The following PVT1 variants were observed in gnomAD, a reference collection of about 807,000 sequenced individuals.
PVT1 encodes the protein CXCR4/PVT1 fusion.
At chr8:128,042,806 C>G (rs1813562216) in intron 4 of PVT1, among the ~76,000 whole-genome samples, 1 of 135,066 alleles carries the variant, frequency 7.4e-6, no homozygotes, top group East Asian at 2.5e-4. Context: ...CTCTGTCACC[C>G]AGGCTGGAGT....
At chr8:127,849,043 G>A (rs911688563) in intron 2 of PVT1, among the ~76,000 whole-genome samples, 3 of 152,204 alleles carry the variant, frequency 2.0e-5, no homozygotes, top group African/African-American at 7.2e-5. Context: ...ATGCCAGCTA[G>A]TCTCTTTCTC....
At chr8:127,910,908 T>TGA (rs1312889485) in intron 3 of PVT1, among the ~76,000 whole-genome samples, 5 of 143,444 alleles carry the variant, frequency 3.5e-5, no homozygotes, top group African/African-American at 1.3e-4. Flanking sequence ...TGTGTGTGTG[T>TGA]GTGTGAGAGA....
At chr8:127,888,141 C>G (rs980739656) in intron 2 of PVT1, among the ~76,000 whole-genome samples, 10 of 151,746 alleles carry the variant, frequency 6.6e-5, no homozygotes, top group African/African-American at 1.9e-4. Flanking sequence ...GGGGTTTCAC[C>G]GTGTTAGCCA....
At chr8:128,071,528 T>TAAAA (rs879437083) in intron 5 of PVT1, among the ~76,000 whole-genome samples, 4 of 148,506 alleles carry the variant, frequency 2.7e-5, no homozygotes, top group Admixed American at 1.3e-4. Context: ...TAAAAATTTT[T>TAAAA]AAAAAAAAAA....
chr8:128,027,760 G>A lies in PVT1; in HGVS notation n.912+38469G>A, dbSNP rs78831181. Among the ~76,000 whole-genome samples the A allele has an allele frequency of 2.8e-4, 42 of 152,344 alleles. 3 individuals are homozygous for A. In the East Asian group the frequency reaches 7.9e-3, roughly 29 times the overall value. On this transcript the variant is annotated intron_variant and non_coding_transcript_variant, in intron 4 of 10. Coordinates refer to ENST00000651587, the Ensembl canonical transcript of PVT1. ...ACTACTGAGTGCTGGCTCATGGTGA[G>A]TGTTCAGCCACTGTTGGATGAATGG...
intron 2 of PVT1, among the ~76,000 whole-genome samples, chr8:127,834,189 G>A (rs7832014): frequency 0.68 from 103,892 of 151,896 alleles, 36,723 homozygotes; most frequent in African/African-American, 0.86. Flanking sequence ...GGCTACAGTA[G>A]CCAAAACAGC....
chr8:128,037,557 G>A (rs1813480333), intron 4 of PVT1, among the ~76,000 whole-genome samples: 2 of 152,194 alleles, frequency 1.3e-5, no homozygotes, highest in Admixed American at 6.5e-5. Flanking sequence ...CAGTCCATTT[G>A]GAGGGAGGAT....
intron 4 of PVT1, among the ~76,000 whole-genome samples, chr8:128,002,240 A>G (rs1586476033): frequency 6.6e-6 from 1 of 152,186 alleles, no homozygotes; most frequent in African/African-American, 2.4e-5. Context: ...GTGATTCCCC[A>G]TGGCCAGGGG....
At chr8:127,877,944 CT>C (rs960680405) in intron 2 of PVT1, among the ~76,000 whole-genome samples, 3 of 151,998 alleles carry the variant, frequency 2.0e-5, no homozygotes, top group Non-Finnish European at 4.4e-5. Flanking sequence ...AACAACCCCC[CT>C]CCCCCACAAA....
intron 2 of PVT1, among the ~76,000 whole-genome samples, chr8:127,819,418 T>TGAGGTGGTTGATCCATAGTA (rs1189134199): frequency 3.3e-5 from 5 of 152,312 alleles, no homozygotes; most frequent in African/African-American, 1.2e-4. Flanking sequence ...TCACAACAGT[T>TGAGGTGGTTGATCCATAGTA]GAGGTGGTTG....
At chr8:127,840,867 G>A (rs1291632843) in intron 2 of PVT1, among the ~76,000 whole-genome samples, 2 of 152,246 alleles carry the variant, frequency 1.3e-5, no homozygotes, top group Non-Finnish European at 2.9e-5. Flanking sequence ...CTCTTAGGAT[G>A]CCCAGGGGAG....
At chr8:128,072,690 A>T (rs1814012729) in intron 5 of PVT1, among the ~76,000 whole-genome samples, 1 of 152,066 alleles carries the variant, frequency 6.6e-6, no homozygotes, top group Non-Finnish European at 1.5e-5. Flanking sequence ...GGAGGCAGGC[A>T]CCGCTGGTGT....
At chr8:127,812,268 A>AAGGCAGGAAGGC (rs750721995) in intron 2 of PVT1, among the ~76,000 whole-genome samples, 2 of 131,218 alleles carry the variant, frequency 1.5e-5, no homozygotes, top group African/African-American at 6.7e-5. Context: ...GGAAGGCAGG[A>AAGGCAGGAAGGC]AGGAAGGAAG....
chr8:127,845,246 C>A (rs1408889858), intron 2 of PVT1, among the ~76,000 whole-genome samples: 1 of 152,166 alleles, frequency 6.6e-6, no homozygotes, highest in Non-Finnish European at 1.5e-5. Context: ...GCTGAGGTGG[C>A]TTGTTTCCTT....
chr8:128,015,729 C>A (rs1044452232), intron 4 of PVT1, among the ~76,000 whole-genome samples: 1 of 143,040 alleles, frequency 7.0e-6, no homozygotes, highest in East Asian at 2.0e-4. Flanking sequence ...GCCAAGATCA[C>A]GCCACTGCAC....
At chr8:128,060,152 A>G (rs1813813191) in intron 4 of PVT1, among the ~76,000 whole-genome samples, 1 of 152,138 alleles carries the variant, frequency 6.6e-6, no homozygotes, top group African/African-American at 2.4e-5. Context: ...GCTGCTGGGG[A>G]GGCTGAGGCA....
intron 5 of PVT1, among the ~76,000 whole-genome samples, chr8:128,090,767 G>C (rs1031025739): frequency 2.0e-5 from 3 of 152,150 alleles, no homozygotes; most frequent in Admixed American, 2.0e-4. Flanking sequence ...TGAGACAACA[G>C]TTGCTGAGCA....
chr8:128,011,486 A>G (rs1321780344), intron 4 of PVT1, among the ~76,000 whole-genome samples: 1 of 152,184 alleles, frequency 6.6e-6, no homozygotes, highest in African/African-American at 2.4e-5. Context: ...GGACACAATG[A>G]GAAGGGAGCC....
intron 2 of PVT1, among the ~76,000 whole-genome samples, chr8:127,857,421 C>A (rs887532831): frequency 5.9e-5 from 9 of 151,992 alleles, no homozygotes; most frequent in Non-Finnish European, 8.8e-5. Flanking sequence ...GCCTGTAATC[C>A]CAGCACTTTT....
Sources: gnomAD v4.1 joint callset for allele counts (sites outside exome capture counted in the v4.1 genomes callset) on GRCh38, gnomAD v4.1.1 for gene constraint, MANE v1.5 for transcripts, NCBI Gene and HGNC (gene_info 2026-07-23, HGNC 2026-07-21) for gene names.